The following TANGO6 variants were observed in gnomAD, a reference collection of about 807,000 sequenced individuals.
The protein encoded by TANGO6 is transport and Golgi organization protein 6 homolog.
A neutral mutation model predicts 114.2 loss-of-function variants in TANGO6; 90 were observed. That is an observed-to-expected ratio of 0.79 (90% CI 0.66 to 0.94). The LOEUF (loss-of-function observed/expected upper bound fraction) is 0.94, where lower values mean the gene tolerates loss of function less well. Ranked by LOEUF, TANGO6 falls within the 40% of genes least tolerant of loss-of-function variation. The probability of loss-of-function intolerance (pLI) is 0.00; values close to 1 mark genes in which losing one functional copy is unlikely to be tolerated. For synonymous variants in TANGO6, 477 were observed against 509.8 expected, an observed-to-expected ratio of 0.94 and a Z score of 0.87; for missense variants, 1,274 against 1,315.3, an observed-to-expected ratio of 0.97 and a Z score of 0.49.
intron 15 of TANGO6, among the ~76,000 whole-genome samples, chr16:68,980,433 ATATTTT>A (rs1456878036): frequency 5.0e-5 from 4 of 80,776 alleles, no homozygotes; most frequent in Admixed American, 1.4e-4. Flanking sequence ...ATATATATAT[ATATTTT>A]TTTTTTTTTT....
intron 10 of TANGO6, among the ~76,000 whole-genome samples, chr16:68,909,008 G>T (rs1000334235): frequency 6.6e-6 from 1 of 152,108 alleles, no homozygotes; most frequent in African/African-American, 2.4e-5. Context: ...TTTAACTGCT[G>T]TGATACAATA....
intron 7 of TANGO6, chr16:68,885,592 G>A (rs1962529426): frequency 6.6e-6 from 1 of 152,326 alleles, no homozygotes; most frequent in African/African-American, 2.4e-5. Flanking sequence ...CTAGTCAAGT[G>A]AAGCAGTCGG....
At chr16:69,074,682 C>A (rs1960345222) in intron 17 of TANGO6, among the ~76,000 whole-genome samples, 1 of 151,970 alleles carries the variant, frequency 6.6e-6, no homozygotes, top group African/African-American at 2.4e-5. Context: ...AATTCATTCC[C>A]TTAACCATAA....
intron 12 of TANGO6, among the ~76,000 whole-genome samples, chr16:68,923,976 G>A (rs1019393027): frequency 1.3e-5 from 2 of 152,192 alleles, no homozygotes; most frequent in African/African-American, 2.4e-5. Context: ...GGAGAGCCAT[G>A]CTTCTTGTTT....
chr16:68,952,587 T>C (rs768647903), intron 14 of TANGO6, among the ~76,000 whole-genome samples: 3 of 152,224 alleles, frequency 2.0e-5, no homozygotes, highest in Non-Finnish European at 4.4e-5. Flanking sequence ...AATTTTTAAC[T>C]GAATGAAGCA....
Position 68,859,950 on chromosome 16 carries a change from T to G in TANGO6, c.161T>G (p.Leu54Arg), listed in dbSNP as rs1170517748. The G allele has an allele frequency of 6.2e-7, 1 of 1,611,640 alleles. No individual in the cohort carries two copies. Among genetic ancestry groups the G allele is most frequent in the Admixed American group, 1.7e-5 (1 of 59,872 alleles). ...DVLLATLKSNLSALEDKFLKD... is the reference protein window; with the variant it reads ...DVLLATLKSNRSALEDKFLKD... ...TTGTTGGCTACTTTAAAATCTAACC[T>G]GTCTGCTTTGGAGGACAAGTTTCTG... Residue 54 changes from leucine to arginine, a missense_variant, in exon 2 of 18, where the codon CTG (leucine) becomes CGG (arginine). This residue lies in a region of TANGO6 where 114 missense variants were observed against 104.6 expected (regional missense o/e 1.09). Coordinates refer to ENST00000261778, the MANE Select transcript of TANGO6 (RefSeq NM_024562.2).
chr16:68,862,983 C>A lies in TANGO6; in HGVS notation c.774C>A (p.Ala258=). 1 of 1,600,274 alleles carries A rather than the reference C, an allele frequency of 6.2e-7. No homozygotes were observed. The highest frequency in any genetic ancestry group is 8.5e-7 in the Non-Finnish European group (1 of 1,173,546). The change falls in exon 3 of 18, where the codon GCC becomes GCA. Residue 258 remains alanine (A), a synonymous_variant. Coordinates refer to ENST00000261778, the MANE Select transcript of TANGO6 (RefSeq NM_024562.2). The part of the protein sequence containing the change: ...TEEERTLSRG[A]LRDMLDQVYQ... ...AGGAGAGAACCCTATCCAGGGGGGC[C>A]TTGAGAGACATGCTGGATCAAGTCT...
At chr16:68,955,208 G>A (rs977505011) in intron 14 of TANGO6, among the ~76,000 whole-genome samples, 1 of 152,152 alleles carries the variant, frequency 6.6e-6, no homozygotes, top group Non-Finnish European at 1.5e-5. Flanking sequence ...TAATGAAATC[G>A]TTGCTTGGAA....
Position 68,878,225 on chromosome 16 carries a change from A to G in TANGO6, c.1239A>G (p.Ala413=). 2 of 1,613,342 alleles carry G rather than the reference A, an allele frequency of 1.2e-6. No homozygotes were observed. The highest frequency in any genetic ancestry group is 8.5e-7 in the Non-Finnish European group (1 of 1,179,626). Residue 413 remains alanine (A), a synonymous_variant, in exon 6 of 18, where the codon GCA becomes GCG. Transcript: ENST00000261778. ...CAAGAGAACGCCCACATTTGGCAGC[A>G]AAGTATTTGCTCCAGCCAGTGTTAG... is the stretch of plus-strand genomic sequence containing the variant. ...TLSRERPHLA[A]KYLLQPVLAP...
At chr16:68,989,687 T>C (rs1360120845) in intron 15 of TANGO6, among the ~76,000 whole-genome samples, 1 of 152,216 alleles carries the variant, frequency 6.6e-6, no homozygotes, top group Non-Finnish European at 1.5e-5. Flanking sequence ...TACTAGACAT[T>C]ATGAATATTA....
intron 7 of TANGO6, among the ~76,000 whole-genome samples, chr16:68,882,725 TA>T (rs111519400): frequency 0.085 from 12,700 of 148,668 alleles, 624 homozygotes; most frequent in Non-Finnish European, 0.11. Flanking sequence ...CCAGTTTTAT[TA>T]AAAAAAAAAA....
At chr16:68,913,152 A>G (rs1962948762) in intron 11 of TANGO6, among the ~76,000 whole-genome samples, 1 of 151,022 alleles carries the variant, frequency 6.6e-6, no homozygotes, top group African/African-American at 2.4e-5. Flanking sequence ...GCAGCCTTCC[A>G]CCCAATGGGT....
At chr16:69,018,728 C>A (rs942194656) in intron 15 of TANGO6, among the ~76,000 whole-genome samples, 2 of 151,748 alleles carry the variant, frequency 1.3e-5, no homozygotes, top group African/African-American at 4.8e-5. Context: ...CGAGACTATC[C>A]TGGCTAACAC....
rs542133140 is a variant in TANGO6, at chr16:69,023,241, C to T, written c.2994+262C>T. The stretch of plus-strand genomic sequence containing the variant: ...GAGGGCGAGGCGGGTAGATTGCTTG[C>T]GGCCAGGAGTCTGAAACCAGCCTGG... On this transcript the variant is annotated intron_variant, in intron 16 of 17. Transcript: ENST00000261778. Among the ~76,000 whole-genome samples, 12 of 152,052 alleles carry T rather than the reference C, an allele frequency of 7.9e-5. No individual in the cohort carries two copies. In the South Asian group the frequency reaches 1.2e-3, roughly 16 times the overall value.
chr16:68,910,939 A>G (rs1190372382), intron 11 of TANGO6, among the ~76,000 whole-genome samples: 1 of 152,186 alleles, frequency 6.6e-6, no homozygotes, highest in Admixed American at 6.5e-5. Flanking sequence ...GGCCTCCCAT[A>G]GTGCTGGGAT....
At chr16:69,046,475 C>T (rs1959860939) in intron 17 of TANGO6, among the ~76,000 whole-genome samples, 1 of 152,042 alleles carries the variant, frequency 6.6e-6, no homozygotes, top group Non-Finnish European at 1.5e-5. Flanking sequence ...TGTGCCACCA[C>T]ACGTGGCTAA....
At chr16:68,949,536 G>T (rs1227113402) in intron 14 of TANGO6, among the ~76,000 whole-genome samples, 2 of 151,974 alleles carry the variant, frequency 1.3e-5, no homozygotes, top group African/African-American at 2.4e-5. Context: ...CAGGAGAATC[G>T]CTTGAACCCG....
At chr16:68,922,493 GC>G (rs752580983) in intron 12 of TANGO6, among the ~76,000 whole-genome samples, 6 of 151,864 alleles carry the variant, frequency 4.0e-5, no homozygotes, top group Non-Finnish European at 5.9e-5. Flanking sequence ...CGGAGACCAT[GC>G]CACTGCACTC....
At chr16:69,082,177 G>T (rs189200142) in intron 17 of TANGO6, among the ~76,000 whole-genome samples, 5 of 152,284 alleles carry the variant, frequency 3.3e-5, no homozygotes, top group African/African-American at 1.2e-4. Context: ...CAGAAACAAG[G>T]TTTCACTGTG....
Sources: gnomAD v4.1 joint callset for allele counts (sites outside exome capture counted in the v4.1 genomes callset) on GRCh38, gnomAD v4.1.1 for gene constraint, gnomAD v4.1.1 regional missense constraint, MANE v1.5 for transcripts, NCBI Gene and HGNC (gene_info 2026-07-23, HGNC 2026-07-21) for gene names.